RAB11FIP3: variants seen among roughly 807,000 people sequenced by gnomAD.
The protein encoded by RAB11FIP3 is RAB11 family interacting protein 3.
A neutral mutation model predicts 77.8 loss-of-function variants in RAB11FIP3; 17 were observed. That is an observed-to-expected ratio of 0.22 (90% CI 0.15 to 0.33). RAB11FIP3 has a LOEUF of 0.33. Among genes scored for constraint, RAB11FIP3 ranks in the 10% least tolerant of loss-of-function variants. The pLI is 1.00. For missense variants in RAB11FIP3, 1,005 were observed against 1,011.2 expected, an observed-to-expected ratio of 0.99 and a Z score of 0.08; for synonymous variants, 437 against 448.2, an observed-to-expected ratio of 0.98 and a Z score of 0.31.
chr16:492,366 CGGGAGACCCGAGGCCGCCCAGAGCCCT>C (rs2030405156), intron 5 of RAB11FIP3, among the ~76,000 whole-genome samples: 6 of 134,150 alleles, frequency 4.5e-5, no homozygotes, highest in African/African-American at 1.7e-4. Context: ...AGGGTCTTCC[CGGGAGACCCGAGGCCGCCCAGAGCCCT>C]CCCCGGGAGA....
intron 1 of RAB11FIP3, among the ~76,000 whole-genome samples, chr16:433,963 C>A (rs1386056326): frequency 6.6e-6 from 1 of 151,796 alleles, no homozygotes; most frequent in Non-Finnish European, 1.5e-5. Flanking sequence ...CTATTGAGAA[C>A]AGTGCTGCAG....
At chr16:444,681 C>G (rs1223592664) in intron 1 of RAB11FIP3, among the ~76,000 whole-genome samples, 2 of 151,630 alleles carry the variant, frequency 1.3e-5, no homozygotes, top group Admixed American at 6.6e-5. Flanking sequence ...GACCCTGTCT[C>G]TATTAAAAAA....
rs561333302 is a variant in RAB11FIP3 at position 461,622 on chromosome 16, A to G, written c.808+125A>G. The G allele has an allele frequency of 4.2e-6, 3 of 716,710 alleles. No homozygotes were observed. The highest frequency in any genetic ancestry group is 5.8e-5 in the East Asian group (2 of 34,402). 44.4% of individuals were successfully genotyped at this position (716,710 alleles called of 1,614,324 possible). ...TCTTTCCTTCTCCTTGAAGCCCCCAACATACCCCAGGTTTCCAGGTGGTCT... is the reference window on the plus strand; with the variant it reads ...TCTTTCCTTCTCCTTGAAGCCCCCAGCATACCCCAGGTTTCCAGGTGGTCT... On this transcript the variant is annotated intron_variant, in intron 2 of 13. Coordinates refer to ENST00000262305, the MANE Select transcript of RAB11FIP3 (RefSeq NM_014700.4). This position sits in a 1 kb window ranked among gnomAD's most constrained non-coding sequence, Gnocchi z 4.5.
chr16:506,931 G>A lies in RAB11FIP3; in HGVS notation c.1499+1304G>A, dbSNP rs972683942. Among the ~76,000 whole-genome samples the A allele has an allele frequency of 6.6e-6, 1 of 152,114 alleles. No individual in the cohort carries two copies. Among genetic ancestry groups the A allele is most frequent in the African/African-American group, 2.4e-5 (1 of 41,410 alleles). On this transcript the variant is annotated intron_variant, in intron 8 of 13. Coordinates refer to ENST00000262305, the MANE Select transcript of RAB11FIP3 (RefSeq NM_014700.4). This position sits in a 1 kb window ranked among gnomAD's most constrained non-coding sequence, Gnocchi z 4.5. ...CACCAAAGACCACTGTCTCCTCCTT[G>A]TCAAGGAGAATCCGGGGGGCTGCCA...
intron 5 of RAB11FIP3, among the ~76,000 whole-genome samples, chr16:492,432 AGACCCGAGGCCGCCCAGG>A (rs1567392229): frequency 4.4e-5 from 6 of 136,834 alleles, no homozygotes; most frequent in East Asian, 4.1e-4. Context: ...CCTCCCCGGG[AGACCCGAGGCCGCCCAGG>A]GCCCTTCCCG....
intron 1 of RAB11FIP3, among the ~76,000 whole-genome samples, chr16:436,968 T>G (rs2055140111): frequency 6.6e-6 from 1 of 152,054 alleles, no homozygotes; most frequent in Non-Finnish European, 1.5e-5. Flanking sequence ...GTTAATAATC[T>G]GTTTTTCCTA....
chr16:517,371 C>A (rs1250758748), intron 9 of RAB11FIP3, among the ~76,000 whole-genome samples: 1 of 151,846 alleles, frequency 6.6e-6, no homozygotes, highest in Non-Finnish European at 1.5e-5. Context: ...AGTTGGAGAC[C>A]AGCTCAGGCA....
chr16:437,570 C>CAAA (rs34184576), intron 1 of RAB11FIP3, among the ~76,000 whole-genome samples: 71 of 58,126 alleles, frequency 1.2e-3, no homozygotes, highest in East Asian at 1.7e-3. Context: ...AACTCCATCT[C>CAAA]AAAAAAAAAA....
chr16:515,437 C>T (rs1208783592), intron 9 of RAB11FIP3, among the ~76,000 whole-genome samples: 2 of 152,146 alleles, frequency 1.3e-5, no homozygotes, highest in Admixed American at 6.5e-5. Context: ...CAACACCCTG[C>T]GCCAGCAGCT....
rs1476332235 is a variant in RAB11FIP3, at chr16:503,112, G to T, written c.1395+15G>T. On this transcript the variant is annotated intron_variant, in intron 7 of 13. Transcript: ENST00000262305. ...TTGCTGACAAGGTAGGCCCTGGAGG[G>T]CTGGGTAGGTGGCAAGTAGGGGATT... is the stretch of plus-strand genomic sequence containing the variant. 1.1e-5 allele frequency: 18 copies of T among 1,592,656 alleles called. No homozygotes were observed. Among genetic ancestry groups the T allele is most frequent in the Non-Finnish European group, 1.5e-5 (18 of 1,164,086 alleles).
At chr16:519,646 C>T (rs1247515206) in intron 10 of RAB11FIP3, 108 bp from the exon 11 acceptor site, 29 of 1,448,744 alleles carry the variant, frequency 2.0e-5, no homozygotes, top group Admixed American at 4.0e-5. Flanking sequence ...CGGGCGCCAC[C>T]GCGTTGCTGT....
At position 426,776 on chromosome 16, in the gene RAB11FIP3, G is replaced by A; in HGVS notation, c.714+56G>A. 7.1e-7 allele frequency: 1 copy of A among 1,400,900 alleles called. No homozygotes were observed. Among genetic ancestry groups the A allele is most frequent in the Non-Finnish European group, 9.5e-7 (1 of 1,056,064 alleles). The allele number at this position is 1,400,900 out of a possible 1,614,324, so 86.8% of individuals were successfully genotyped here. On this transcript the variant is annotated intron_variant, in intron 1 of 13. Transcript: ENST00000262305. This position sits in a 1 kb window ranked among gnomAD's most constrained non-coding sequence, Gnocchi z 5.0. ...ACTGGGCAGGTGCGCGCTGGCCGGCGGGGTTGATGTGGGACCGGTCGACGC... is the reference window on the plus strand; with the variant it reads ...ACTGGGCAGGTGCGCGCTGGCCGGCAGGGTTGATGTGGGACCGGTCGACGC...
At chr16:478,695 G>A (rs2055972118) in intron 3 of RAB11FIP3, among the ~76,000 whole-genome samples, 1 of 152,206 alleles carries the variant, frequency 6.6e-6, no homozygotes, top group Non-Finnish European at 1.5e-5. Flanking sequence ...GCTGGGCACG[G>A]TGGCTCACGC....
intron 2 of RAB11FIP3, among the ~76,000 whole-genome samples, chr16:468,299 A>AGGAGGTGCAGGGAAGTCAG: frequency 9.1e-6 from 1 of 109,458 alleles, no homozygotes; most frequent in Admixed American, 9.4e-5. Flanking sequence ...GGCGTCAGGG[A>AGGAGGTGCAGGGAAGTCAG]GGAGGAGGTC....
chr16:464,199 G>A (rs1253187523), intron 2 of RAB11FIP3, among the ~76,000 whole-genome samples: 1 of 152,140 alleles, frequency 6.6e-6, no homozygotes, highest in Non-Finnish European at 1.5e-5. Context: ...GAAGGGGGAG[G>A]AAGAGGACAG....
At chr16:467,877 C>A (rs1458729866) in intron 2 of RAB11FIP3, among the ~76,000 whole-genome samples, 2 of 82,640 alleles carry the variant, frequency 2.4e-5, no homozygotes, top group African/African-American at 5.5e-5. Flanking sequence ...GGTGCTGGGA[C>A]GTCAGGGAGG....
At chr16:455,081 T>C (rs909342568) in intron 1 of RAB11FIP3, among the ~76,000 whole-genome samples, 1 of 149,158 alleles carries the variant, frequency 6.7e-6, no homozygotes, top group Non-Finnish European at 1.5e-5. Context: ...AGGCTTTCTT[T>C]CTTTTTTTTT....
At chr16:491,970 A>G (rs1219882917) in intron 5 of RAB11FIP3, among the ~76,000 whole-genome samples, 4 of 152,186 alleles carry the variant, frequency 2.6e-5, no homozygotes, top group Non-Finnish European at 4.4e-5. Context: ...CTTCCTGAAG[A>G]ACGGGACCTG....
intron 1 of RAB11FIP3, among the ~76,000 whole-genome samples, chr16:450,167 C>T (rs1418348268): frequency 6.6e-6 from 1 of 151,868 alleles, no homozygotes; most frequent in Non-Finnish European, 1.5e-5. Flanking sequence ...ACGTGCACAA[C>T]AAACTTTTTT....
Sources: allele counts gnomAD v4.1 joint callset (sites outside exome capture counted in the v4.1 genomes callset), GRCh38; gene constraint gnomAD v4.1.1; non-coding constraint Gnocchi (gnomAD v3.1); transcripts MANE v1.5; gene names NCBI Gene and HGNC (gene_info 2026-07-23, HGNC 2026-07-21).